The following CNST variants were observed in gnomAD, a reference collection of about 807,000 sequenced individuals.
The protein encoded by CNST is consortin, connexin sorting protein.
CNST carries 39 observed loss-of-function variants against 72.4 expected under a neutral mutation model. The ratio of observed to expected loss-of-function variants is 0.54; its 90% CI spans 0.42 to 0.70. The LOEUF is 0.70. Ranked by LOEUF, CNST falls within the 30% of genes least tolerant of loss-of-function variation. The pLI is 0.00. For missense variants in CNST, 871 were observed against 868.5 expected (o/e 1.00, Z -0.04); for synonymous variants, 332 against 320.1 (o/e 1.04, Z -0.40).
chr1:246,664,697 A>G (rs1572264839), intron 10 of CNST, among the ~76,000 whole-genome samples: 1 of 152,126 alleles, frequency 6.6e-6, no homozygotes, highest in Non-Finnish European at 1.5e-5. Flanking sequence ...AAGTGCTGGG[A>G]TTACAGGCGT....
chr1:246,599,592 T>A (rs948988469), intron 2 of CNST, among the ~76,000 whole-genome samples: 2 of 152,174 alleles, frequency 1.3e-5, no homozygotes, highest in Non-Finnish European at 2.9e-5. Context: ...CACCCATATA[T>A]TGCAGGATAA....
At chr1:246,613,104 A>G (rs1343386788) in intron 2 of CNST, among the ~76,000 whole-genome samples, 1 of 152,206 alleles carries the variant, frequency 6.6e-6, no homozygotes, top group African/African-American at 2.4e-5. Context: ...TGGGATCTGA[A>G]GCACAGAGAG....
chr1:246,609,901 A>G (rs979373068), intron 2 of CNST, among the ~76,000 whole-genome samples: 6 of 152,332 alleles, frequency 3.9e-5, no homozygotes, highest in African/African-American at 1.4e-4. Context: ...GTTCAGTGGC[A>G]TTAATTACAT....
chr1:246,637,401 G>A (rs1665355642), intron 6 of CNST, among the ~76,000 whole-genome samples: 1 of 152,228 alleles, frequency 6.6e-6, no homozygotes, highest in Non-Finnish European at 1.5e-5. Flanking sequence ...GGCCTCATTC[G>A]CTGCTTCACA....
chr1:246,658,912 C>A (rs113868639), intron 9 of CNST, among the ~76,000 whole-genome samples: 3 of 152,242 alleles, frequency 2.0e-5, no homozygotes, highest in African/African-American at 7.2e-5. Context: ...GGCTCTCCCA[C>A]CTGCTCCTCT....
intron 9 of CNST, among the ~76,000 whole-genome samples, chr1:246,649,509 C>T (rs1288533099): frequency 6.6e-6 from 1 of 152,088 alleles, no homozygotes; most frequent in Non-Finnish European, 1.5e-5. Flanking sequence ...AGCTGTAATA[C>T]CAAAAAGTTA....
chr1:246,591,429 C>T, intron 1 of CNST, 83 bp from the exon 2 acceptor site: 1 of 1,001,680 alleles, frequency 1.0e-6, no homozygotes, highest in Non-Finnish European at 1.5e-6. Flanking sequence ...ATGAAACAAC[C>T]TAAGAGAAGG....
chr1:246,644,686 C>G (rs970567672), intron 8 of CNST, among the ~76,000 whole-genome samples: 2 of 152,214 alleles, frequency 1.3e-5, no homozygotes, highest in Non-Finnish European at 2.9e-5. Flanking sequence ...GTGGAAGCAA[C>G]ACACCCCAGT....
At chr1:246,587,588 A>G (rs1299131207) in intron 1 of CNST, among the ~76,000 whole-genome samples, 2 of 152,234 alleles carry the variant, frequency 1.3e-5, no homozygotes, top group Non-Finnish European at 2.9e-5. Context: ...TTAAAACCAA[A>G]TAAGCACAAT....
rs373284626 is a variant in CNST, at chr1:246,591,732, C to A, written c.170C>A (p.Ala57Glu). The A allele has an allele frequency of 1.9e-6, 3 of 1,614,108 alleles. No homozygotes were observed. Among genetic ancestry groups the A allele is most frequent in the East Asian group, 4.5e-5 (2 of 44,878 alleles). ...GHEHLTSSDS[A>E]MGKPQVSEQD... Reference sequence around the variant, plus strand: ...GAGCATCTGACCAGCAGTGACAGTGCGATGGGAAAGCCCCAAGTGTCTGAG... The same window carrying A: ...GAGCATCTGACCAGCAGTGACAGTGAGATGGGAAAGCCCCAAGTGTCTGAG... Residue 57 changes from alanine (A) to glutamate (E), a missense_variant, in exon 2 of 11, where the codon GCG becomes GAG. Ala to Glu is a moderately radical substitution (Grantham distance 107, BLOSUM62 -1). Coordinates refer to ENST00000366513, the MANE Select transcript of CNST (RefSeq NM_152609.3).
chr1:246,635,646 A>C (rs151167037), intron 6 of CNST, among the ~76,000 whole-genome samples: 1 of 152,098 alleles, frequency 6.6e-6, no homozygotes, highest in African/African-American at 2.4e-5. Context: ...TGCTGGGTGC[A>C]TTTGGTTTTG....
chr1:246,591,665 G>C lies in CNST; in HGVS notation c.103G>C (p.Ala35Pro). ...VERSVTCLPS[A>P]SDENENQLDG... ...AAGGAGTGTGACCTGTCTGCCTTCT[G>C]CATCAGATGAAAATGAAAATCAGCT... Residue 35 changes from alanine (A) to proline (P), a missense_variant, in exon 2 of 11, where the codon GCA (alanine) becomes CCA (proline). Physicochemically the swap from Ala to Pro is conservative, Grantham distance 27. Transcript: ENST00000366513. The C allele has an allele frequency of 6.2e-7, 1 of 1,614,204 alleles. No individual in the cohort carries two copies. Among genetic ancestry groups the C allele is most frequent in the Non-Finnish European group, 8.5e-7 (1 of 1,180,038 alleles).
chr1:246,655,424 A>G (rs1666723709), intron 9 of CNST, among the ~76,000 whole-genome samples: 1 of 152,162 alleles, frequency 6.6e-6, no homozygotes. Flanking sequence ...CAGCGGTGAC[A>G]TGTTTTTATC....
intron 1 of CNST, among the ~76,000 whole-genome samples, chr1:246,586,111 A>ATATGTGTGTGTGTG (rs777928408): frequency 1.2e-3 from 120 of 102,688 alleles, no homozygotes; most frequent in African/African-American, 4.6e-3. Flanking sequence ...ATATATATAT[A>ATATGTGTGTGTGTG]TGTGTGTGTG....
At chr1:246,632,962 A>T (rs1212691329) in intron 4 of CNST, among the ~76,000 whole-genome samples, 1 of 152,194 alleles carries the variant, frequency 6.6e-6, no homozygotes, top group African/African-American at 2.4e-5. Context: ...AAGTAAGGAG[A>T]GAAATAAAAA....
intron 2 of CNST, among the ~76,000 whole-genome samples, chr1:246,608,689 G>A (rs1348650465): frequency 2.6e-5 from 4 of 152,162 alleles, no homozygotes; most frequent in Admixed American, 6.5e-5. Context: ...CCAAGGGATG[G>A]GGAGCCTTGG....
chr1:246,625,414 C>CTTTTTTTTTTTTTTTTTTTTTTTTTTT (rs61588900), intron 3 of CNST, among the ~76,000 whole-genome samples: 1 of 56,102 alleles, frequency 1.8e-5, no homozygotes, highest in Non-Finnish European at 3.1e-5. Context: ...TTATTTCTTT[C>CTTTTTTTTTTTTTTTTTTTTTTTTTTT]TTTTTTTTTT....
intron 2 of CNST, among the ~76,000 whole-genome samples, chr1:246,618,476 A>T (rs1185165454): frequency 6.6e-6 from 1 of 152,216 alleles, no homozygotes; most frequent in East Asian, 1.9e-4. Context: ...ATCCTTTTGT[A>T]GTATGAGTCT....
intron 2 of CNST, among the ~76,000 whole-genome samples, chr1:246,592,566 C>G (rs571576718): frequency 1.3e-5 from 2 of 152,268 alleles, no homozygotes; most frequent in East Asian, 3.9e-4. Context: ...ATATATGCAG[C>G]CTCCTCTCCC....
Sources: gnomAD v4.1 joint callset for allele counts (sites outside exome capture counted in the v4.1 genomes callset) on GRCh38, gnomAD v4.1.1 for gene constraint, MANE v1.5 for transcripts, NCBI Gene and HGNC (gene_info 2026-07-23, HGNC 2026-07-21) for gene names.